Variants in ZDHHC3 observed in about 807,000 individuals in gnomAD.
The protein encoded by ZDHHC3 is palmitoyltransferase ZDHHC3.
In ZDHHC3, 9 loss-of-function variants were observed where a neutral mutation model predicts 30.6. The ratio of observed to expected loss-of-function variants is 0.29; its 90% confidence interval spans 0.18 to 0.51. The LOEUF (loss-of-function observed/expected upper bound fraction) is 0.51, where lower values mean the gene tolerates loss of function less well. Ranked by LOEUF, ZDHHC3 falls within the 20% of genes least tolerant of loss-of-function variation. The pLI is 0.97. For missense variants in ZDHHC3, 246 were observed against 384.2 expected (o/e 0.64, Z 3.01); for synonymous variants, 136 against 140.2 (o/e 0.97, Z 0.21).
chr3:44,949,167 A>G (rs1703216744), intron 2 of ZDHHC3, among the ~76,000 whole-genome samples: 1 of 152,208 alleles, frequency 6.6e-6, no homozygotes, highest in African/African-American at 2.4e-5. Context: ...CTATGACAGA[A>G]AGTTCAAAAG....
chr3:44,926,623 GA>G lies in ZDHHC3; in HGVS notation c.*65del. The G allele has an allele frequency of 7.1e-7, 1 of 1,403,690 alleles. No homozygotes were observed. The highest frequency in any genetic ancestry group is 9.3e-7 in the Non-Finnish European group (1 of 1,072,522). 87.0% of individuals were successfully genotyped at this position (1,403,690 alleles called of 1,614,324 possible). A position where few individuals can be genotyped will look rare whatever the true frequency, so the allele number is the denominator to read the frequency against. ...GCTTTTTCGATTTAAACATTCATGA[GA>G]ACGGATGGGACGGTAGTGCTGTGGT... On this transcript the variant is annotated 3_prime_UTR_variant, in exon 7 of 7. Coordinates refer to ENST00000424952, the MANE Select transcript of ZDHHC3 (RefSeq NM_001135179.2).
chr3:44,928,113 T>C (rs113710309), intron 6 of ZDHHC3, among the ~76,000 whole-genome samples: 1,800 of 152,316 alleles, frequency 0.012, 30 homozygotes, highest in African/African-American at 0.04. Flanking sequence ...TCCCCGTATA[T>C]CTTACGTAGA....
chr3:44,921,483 T>G lies in ZDHHC3; in HGVS notation c.*5206A>C. On this transcript the variant is annotated 3_prime_UTR_variant, in exon 7 of 7. Coordinates refer to ENST00000424952, the MANE Select transcript of ZDHHC3 (RefSeq NM_001135179.2). ...ACATATACACACAACTCCCTAAGCT[T>G]CATAAAACAATACTTATCCTGCAAT... is the stretch of plus-strand genomic sequence containing the variant. 1.0e-6 allele frequency: 1 copy of G among 985,448 alleles called. No homozygotes were observed. 61.0% of individuals were successfully genotyped at this position (985,448 alleles called of 1,614,324 possible).
At position 44,945,188 on chromosome 3, in the gene ZDHHC3, G is replaced by A. The variant is rs768886306; in HGVS notation, c.411C>T (p.Pro137=). Residue 137 remains proline, a synonymous_variant, in exon 3 of 7, where the codon CCC becomes CCT. Coordinates refer to ENST00000424952, the MANE Select transcript of ZDHHC3 (RefSeq NM_001135179.2). ...TGTACCTGCAGTGGTGGGCTCGGTC[G>A]GGCTTGATGCTGCAGCATTTGGGGC... ...YKCPKCCSIK[P]DRAHHCSVCK... The A allele has an allele frequency of 1.2e-5, 20 of 1,613,952 alleles. No individual in the cohort carries two copies. The highest frequency in any genetic ancestry group is 1.3e-5 in the African/African-American group (1 of 74,896).
chr3:44,920,797 T>A lies in ZDHHC3; in HGVS notation c.*5892A>T, dbSNP rs1266641892. 3.0e-6 allele frequency: 3 copies of A among 985,352 alleles called. No homozygotes were observed. In the South Asian group the frequency reaches 1.4e-4, roughly 46 times the overall value. 61.0% of individuals were successfully genotyped at this position (985,352 alleles called of 1,614,324 possible). On this transcript the variant is annotated 3_prime_UTR_variant, in exon 7 of 7. Coordinates refer to ENST00000424952, the MANE Select transcript of ZDHHC3 (RefSeq NM_001135179.2). ...ATACTCAACCTCCTCACCAACCTCA[T>A]AAAGTATTCCAGACAGAGCCTGGCC...
In ZDHHC3 at chr3:44,941,032, A is replaced by G. The variant is rs368656550; in HGVS notation, c.431+4136T>C. Among the ~76,000 whole-genome samples the G allele has an allele frequency of 9.2e-5, 14 of 152,286 alleles. No individual in the cohort carries two copies. The East Asian group carries it at 2.3e-3, about 25-fold the overall frequency. On this transcript the variant is annotated intron_variant, in intron 3 of 6. Transcript: ENST00000424952. ...AGGTCTAATCCACCTCTATAAGCTC[A>G]GAGTCGAGCTCAGAGCCAAGCCCAG...
chr3:44,952,838 C>T (rs1447365051), intron 2 of ZDHHC3, among the ~76,000 whole-genome samples: 1 of 152,246 alleles, frequency 6.6e-6, no homozygotes, highest in Non-Finnish European at 1.5e-5. Flanking sequence ...GAACCCATTA[C>T]TTAGCCTTTG....
Position 44,926,579 on chromosome 3 carries a change from T to C in ZDHHC3, c.*110A>G, listed in dbSNP as rs369267123. 389 of 1,280,920 alleles carry C rather than the reference T, an allele frequency of 3.0e-4. 5 individuals carry two copies. The South Asian group carries it at 0.01, about 34-fold the overall frequency. 79.3% of individuals were successfully genotyped at this position (1,280,920 alleles called of 1,614,324 possible). A position where few individuals can be genotyped will look rare whatever the true frequency, so the allele number is the denominator to read the frequency against. On this transcript the variant is annotated 3_prime_UTR_variant, in exon 7 of 7. Transcript: ENST00000424952. ...CATTTTACTTGAGACATAAAAAAAGTTTTAAGAGTAGTTGTTTTGCTTTTT... is the reference window on the plus strand; with the variant it reads ...CATTTTACTTGAGACATAAAAAAAGCTTTAAGAGTAGTTGTTTTGCTTTTT...
chr3:44,975,596 T>G (rs1467024482), intron 1 of ZDHHC3: 1 of 151,246 alleles, frequency 6.6e-6, no homozygotes, highest in African/African-American at 2.4e-5. Context: ...AGGACTAGTG[T>G]CCCCCATTCC....
intron 6 of ZDHHC3, among the ~76,000 whole-genome samples, chr3:44,927,267 C>T (rs531604941): frequency 1.3e-5 from 2 of 152,234 alleles, no homozygotes; most frequent in South Asian, 2.1e-4. Context: ...TTGGGGAGCT[C>T]GCAATCATCA....
Position 44,925,072 on chromosome 3 carries a change from G to A in ZDHHC3, c.*1617C>T. ...AAAGTATCCTCATTCAAGAGACAGAGCAATGAAACAAACACCCAACCAGAG... is the reference window on the plus strand; with the variant it reads ...AAAGTATCCTCATTCAAGAGACAGAACAATGAAACAAACACCCAACCAGAG... On this transcript the variant is annotated 3_prime_UTR_variant, in exon 7 of 7. Coordinates refer to ENST00000424952, the MANE Select transcript of ZDHHC3 (RefSeq NM_001135179.2). 5 of 985,892 alleles carry A rather than the reference G, an allele frequency of 5.1e-6. No homozygotes were observed. The highest frequency in any genetic ancestry group is 4.8e-6 in the Non-Finnish European group (4 of 829,946). The allele number at this position is 985,892 out of a possible 1,614,324, so 61.1% of individuals were successfully genotyped here. A position where few individuals can be genotyped will look rare whatever the true frequency, so the allele number is the denominator to read the frequency against.
chr3:44,939,703 A>G (rs988309051), intron 3 of ZDHHC3, among the ~76,000 whole-genome samples: 1 of 152,268 alleles, frequency 6.6e-6, no homozygotes, highest in African/African-American at 2.4e-5. Flanking sequence ...CTCTTACAGC[A>G]AAGCTATTCT....
chr3:44,918,485 C>A lies in ZDHHC3; in HGVS notation c.*8204G>T, dbSNP rs574010451. 5.5e-5 allele frequency: 54 copies of A among 985,382 alleles called. No homozygotes were observed. The highest frequency in any genetic ancestry group is 2.5e-4 in the Admixed American group (4 of 16,286). The allele number at this position is 985,382 out of a possible 1,614,324, so 61.0% of individuals were successfully genotyped here. A position where few individuals can be genotyped will look rare whatever the true frequency, so the allele number is the denominator to read the frequency against. On this transcript the variant is annotated 3_prime_UTR_variant, in exon 7 of 7. Transcript: ENST00000424952. ...GGGCAGGGGCTAGGCTGATGAGTGG[C>A]TGAGGCATAAGGGGGACCACACATC...
intron 5 of ZDHHC3, among the ~76,000 whole-genome samples, chr3:44,931,060 C>T (rs530412039): frequency 1.1e-4 from 17 of 152,336 alleles, no homozygotes; most frequent in African/African-American, 3.1e-4. Flanking sequence ...TCTCCCACTA[C>T]ACTTCAAACT....
intron 1 of ZDHHC3, among the ~76,000 whole-genome samples, chr3:44,972,399 G>A (rs576787892): frequency 4.1e-4 from 62 of 152,336 alleles, no homozygotes; most frequent in Non-Finnish European, 7.5e-4. Flanking sequence ...GGAGGCGGAG[G>A]TTGCGGTGAG....
At chr3:44,937,441 C>G in intron 3 of ZDHHC3, among the ~76,000 whole-genome samples, 1 of 151,500 alleles carries the variant, frequency 6.6e-6, no homozygotes, top group East Asian at 1.9e-4. Context: ...CATGGTGGCT[C>G]ATGCCTATAA....
In ZDHHC3 at chr3:44,922,682, T is replaced by G. The variant is rs1345039513; in HGVS notation, c.*4007A>C. 17 of 985,104 alleles carry G rather than the reference T, an allele frequency of 1.7e-5. No individual in the cohort carries two copies. Among genetic ancestry groups the G allele is most frequent in the Non-Finnish European group, 1.9e-5 (16 of 829,880 alleles). 61.0% of individuals were successfully genotyped at this position (985,104 alleles called of 1,614,324 possible). A position where few individuals can be genotyped will look rare whatever the true frequency, so the allele number is the denominator to read the frequency against. On this transcript the variant is annotated 3_prime_UTR_variant, in exon 7 of 7. Transcript: ENST00000424952. ...CTAGCCCCAACTGGATTCTCAAACTTGATAGTCAGAATCACCTGGAGGGCT... is the reference window on the plus strand; with the variant it reads ...CTAGCCCCAACTGGATTCTCAAACTGGATAGTCAGAATCACCTGGAGGGCT...
intron 3 of ZDHHC3, among the ~76,000 whole-genome samples, chr3:44,934,279 T>C (rs1342264974): frequency 2.6e-5 from 4 of 152,090 alleles, no homozygotes; most frequent in Non-Finnish European, 5.9e-5. Context: ...TCTCCTGAAG[T>C]AATGGGGCTT....
At chr3:44,972,141 G>A (rs556519113) in intron 1 of ZDHHC3, among the ~76,000 whole-genome samples, 1 of 152,310 alleles carries the variant, frequency 6.6e-6, no homozygotes, top group African/African-American at 2.4e-5. Flanking sequence ...TTAGGACTGG[G>A]AACAGAAGGT....
Sources: gnomAD v4.1 joint callset for allele counts (sites outside exome capture counted in the v4.1 genomes callset) on GRCh38, gnomAD v4.1.1 for gene constraint, MANE v1.5 for transcripts, NCBI Gene and HGNC (gene_info 2026-07-23, HGNC 2026-07-21) for gene names.